The following STARD9 variants were observed in gnomAD, a reference collection of about 807,000 sequenced individuals.
The protein encoded by STARD9 is stAR-related lipid transfer protein 9.
STARD9 carries 346 observed loss-of-function variants against 399.8 expected under a neutral mutation model. The observed-to-expected ratio is 0.87, with a 90% confidence interval of 0.79 to 0.95. The LOEUF is 0.95. Among genes scored for constraint, STARD9 ranks in the 40% least tolerant of loss-of-function variants. The pLI, the probability that STARD9 is intolerant of heterozygous loss-of-function variation, is 0.00. For synonymous variants in STARD9, 2,203 were observed against 2,143.5 expected, an observed-to-expected ratio of 1.03 and a Z score of -0.77; for missense variants, 5,832 against 5,667.5, an observed-to-expected ratio of 1.03 and a Z score of -0.93.
chr15:42,626,270 C>CTCT (rs1453959478), intron 3 of STARD9, among the ~76,000 whole-genome samples: 57 of 147,100 alleles, frequency 3.9e-4, no homozygotes, highest in African/African-American at 1.4e-3. Context: ...CTTCCTCTTC[C>CTCT]TCCTCCTCTT....
At chr15:42,617,001 C>G (rs1188501960) in intron 3 of STARD9, among the ~76,000 whole-genome samples, 1 of 151,722 alleles carries the variant, frequency 6.6e-6, no homozygotes, top group East Asian at 1.9e-4. Flanking sequence ...AAGAAGTAAT[C>G]TAATACAAAA....
chr15:42,686,573 A>T lies in STARD9; in HGVS notation c.4995A>T (p.Ala1665=). 1 of 1,537,530 alleles carries T rather than the reference A, an allele frequency of 6.5e-7. No individual in the cohort carries two copies. Among genetic ancestry groups the T allele is most frequent in the Non-Finnish European group, 8.7e-7 (1 of 1,147,004 alleles). ...GTAATGTCACTACAGCCACCAAAGC[A>T]GACCATTGGTCCCAAGGCTGGGCTC... ...CHSNVTTATK[A]DHWSQGWAPL... is the part of the protein sequence containing the mutation. Residue 1665 remains alanine, a synonymous_variant, in exon 23 of 33, where the codon GCA becomes GCT. Transcript: ENST00000290607.
rs754740576 is a variant in STARD9, at chr15:42,690,446, A to G, written c.8868A>G (p.Pro2956=). 4.6e-6 allele frequency: 7 copies of G among 1,537,094 alleles called. 1 individual carries two copies. In the South Asian group the frequency reaches 8.3e-5, roughly 18 times the overall value. Residue 2956 remains proline, a synonymous_variant, in exon 23 of 33, where the codon CCA becomes CCG. Coordinates refer to ENST00000290607, the MANE Select transcript of STARD9 (RefSeq NM_020759.3). ...GCAGAACTCTTCCTTGCCGACAGCC[A>G]TGCAGTTCTCAACCTGTTGCTACTC... ...KESRTLPCRQ[P]CSSQPVATHA... is the part of the protein sequence containing the mutation.
At position 42,694,139 on chromosome 15, in the gene STARD9, G is replaced by C. The variant is rs2060785679; in HGVS notation, c.12561G>C (p.Gln4187His). 2.0e-6 allele frequency: 3 copies of C among 1,536,614 alleles called. No individual in the cohort carries two copies. The highest frequency in any genetic ancestry group is 2.6e-6 in the Non-Finnish European group (3 of 1,146,622). ...SPPQPPNDHSQDSEWSKREQI... is the reference protein window; with the variant it reads ...SPPQPPNDHSHDSEWSKREQI... Reference sequence around the variant, plus strand: ...CACAACCTCCTAATGACCACAGCCAGGATTCTGAGTGGTCCAAGAGGGAGC... The same window carrying C: ...CACAACCTCCTAATGACCACAGCCACGATTCTGAGTGGTCCAAGAGGGAGC... Residue 4187 changes from glutamine (Q) to histidine (H), a missense_variant, in exon 23 of 33, where the codon CAG (glutamine) becomes CAC (histidine). Gln to His is a conservative substitution (Grantham distance 24). This residue lies in a region of STARD9 where 5,828 missense variants were observed against 5,651.1 expected (regional missense o/e 1.03). Transcript: ENST00000290607.
At position 42,684,588 on chromosome 15, in the gene STARD9, G is replaced by A. The variant is rs181968356; in HGVS notation, c.3010G>A (p.Gly1004Arg). Reference protein sequence around the residue: ...GNLGTHKAAKGASCNSLYPHG... With the variant: ...GNLGTHKAAKRASCNSLYPHG... ...CCTTGGGACCCACAAGGCTGCTAAG[G>A]GAGCCAGTTGCAATTCCTTGTATCC... Residue 1004 changes from glycine (G) to arginine (R), a missense_variant, in exon 23 of 33, where the codon GGA becomes AGA. By Grantham distance (125) the Gly-to-Arg change is moderately radical. Coordinates refer to ENST00000290607, the MANE Select transcript of STARD9 (RefSeq NM_020759.3). 793 of 1,537,214 alleles carry A rather than the reference G, an allele frequency of 5.2e-4. No homozygotes were observed. The highest frequency in any genetic ancestry group is 6.6e-4 in the Non-Finnish European group (758 of 1,146,908).
At chr15:42,654,429 A>G (rs1259943937) in intron 9 of STARD9, among the ~76,000 whole-genome samples, 1 of 152,190 alleles carries the variant, frequency 6.6e-6, no homozygotes, top group Non-Finnish European at 1.5e-5. Flanking sequence ...AGTCCTAGCT[A>G]GAGTAATGAG....
intron 3 of STARD9, among the ~76,000 whole-genome samples, chr15:42,610,277 A>G (rs991875122): frequency 7.9e-5 from 12 of 152,102 alleles, no homozygotes; most frequent in South Asian, 4.1e-4. Context: ...AGGTGGGGCC[A>G]TGTGATTGGT....
At chr15:42,699,543 G>A (rs1300465569) in intron 26 of STARD9, among the ~76,000 whole-genome samples, 45 of 149,798 alleles carry the variant, frequency 3.0e-4, no homozygotes, top group East Asian at 2.6e-3. Context: ...ACAGGTGCCC[G>A]CCACCACGCC....
Position 42,716,773 on chromosome 15 carries a change from C to T in STARD9, c.13372+9C>T, listed in dbSNP as rs74009211. 39 of 1,533,944 alleles carry T rather than the reference C, an allele frequency of 2.5e-5. No individual in the cohort carries two copies. The highest frequency in any genetic ancestry group is 1.7e-4 in the East Asian group (7 of 40,924). The stretch of plus-strand genomic sequence containing the variant: ...GAAGAACTCTGCCTACAGTGAGTTG[C>T]GGGGAGTGTTGGGCATAGCCAGCTG... On this transcript the variant is annotated intron_variant, in intron 27 of 32. Coordinates refer to ENST00000290607, the MANE Select transcript of STARD9 (RefSeq NM_020759.3).
chr15:42,707,228 A>T (rs1225693098), intron 26 of STARD9, among the ~76,000 whole-genome samples: 1 of 152,210 alleles, frequency 6.6e-6, no homozygotes, highest in Non-Finnish European at 1.5e-5. Flanking sequence ...GACTTTGAGG[A>T]TATTGGAACC....
chr15:42,692,880 AC>A lies in STARD9; in HGVS notation c.11304del (p.Ser3769ArgfsTer51). On this transcript the variant is annotated frameshift_variant, in exon 23 of 33. Transcript: ENST00000290607. LOFTEE classifies it high-confidence loss of function. ...NVILEGLGSD[T>X]STVSQEEGDV... ...GATCCTTGAAGGGCTAGGCTCAGAT[AC>A]CTCGACTGTGTCTCAAGAAGAGGGA... 1 of 1,537,200 alleles carries A rather than the reference AC, an allele frequency of 6.5e-7. No individual in the cohort carries two copies. The highest frequency in any genetic ancestry group is 1.4e-5 in the African/African-American group (1 of 73,130).
intron 3 of STARD9, among the ~76,000 whole-genome samples, chr15:42,618,987 T>C (rs1202892631): frequency 2.0e-5 from 3 of 152,208 alleles, no homozygotes. Context: ...GAAATTGCTT[T>C]TGTAAATATT....
At chr15:42,630,896 T>G (rs1214589915) in intron 3 of STARD9, among the ~76,000 whole-genome samples, 1 of 152,054 alleles carries the variant, frequency 6.6e-6, no homozygotes, top group Non-Finnish European at 1.5e-5. Context: ...TTTGTATTGC[T>G]TTTTTCATTT....
chr15:42,648,073 TCCTA>T lies in STARD9; in HGVS notation c.560-2939_560-2936del. Among the ~76,000 whole-genome samples, 2 of 152,322 alleles carry T rather than the reference TCCTA, an allele frequency of 1.3e-5. 1 individual carries two copies. Among genetic ancestry groups the T allele is most frequent in the South Asian group, 4.1e-4 (2 of 4,828 alleles). The stretch of plus-strand genomic sequence containing the variant: ...TAGGGCTCTTAATTTTTAAAGAATA[TCCTA>T]CCTTTTATCTCTGAGTGCCTTCTAC... On this transcript the variant is annotated intron_variant, in intron 7 of 32. Coordinates refer to ENST00000290607, the MANE Select transcript of STARD9 (RefSeq NM_020759.3).
chr15:42,658,803 CATT>C (rs2059931929), intron 9 of STARD9, among the ~76,000 whole-genome samples: 2 of 148,846 alleles, frequency 1.3e-5, no homozygotes, highest in African/African-American at 4.9e-5. Flanking sequence ...CTTTTAAAGA[CATT>C]ATTAGGAGAA....
intron 14 of STARD9, among the ~76,000 whole-genome samples, 159 bp from the exon 15 acceptor site, chr15:42,665,627 G>A (rs533752627): frequency 1.3e-5 from 2 of 152,232 alleles, no homozygotes; most frequent in African/African-American, 4.8e-5. Context: ...TTCCATCTTT[G>A]TACCAATATG....
chr15:42,690,557 T>G lies in STARD9; in HGVS notation c.8979T>G (p.Thr2993=), dbSNP rs1428875430. The change falls in exon 23 of 33, where the codon ACT becomes ACG. Residue 2993 remains threonine, a synonymous_variant. Coordinates refer to ENST00000290607, the MANE Select transcript of STARD9 (RefSeq NM_020759.3). Reference sequence around the variant, plus strand: ...AGCCTTTCAAGGCTGCCCCACATACTATCCACCCACCCTGTGTAGTACCTT... The same window carrying G: ...AGCCTTTCAAGGCTGCCCCACATACGATCCACCCACCCTGTGTAGTACCTT... ...GKEPFKAAPH[T]IHPPCVVPSR... The G allele has an allele frequency of 6.5e-7, 1 of 1,537,046 alleles. No individual in the cohort carries two copies. Among genetic ancestry groups the G allele is most frequent in the African/African-American group, 1.4e-5 (1 of 73,046 alleles).
intron 16 of STARD9, 73 bp downstream of exon 16, chr15:42,669,410 A>G (rs2060164564): frequency 7.6e-7 from 1 of 1,318,828 alleles, no homozygotes; most frequent in Non-Finnish European, 1.0e-6. Context: ...AGCTAGGAGC[A>G]GCAGCCATGT....
At chr15:42,597,132 G>T (rs912753592) in intron 3 of STARD9, among the ~76,000 whole-genome samples, 8 of 152,106 alleles carry the variant, frequency 5.3e-5, no homozygotes, top group East Asian at 1.9e-4. Context: ...GTCTCGTTCT[G>T]TTTCTCAGCC....
Sources: gnomAD v4.1 joint callset for allele counts (sites outside exome capture counted in the v4.1 genomes callset) on GRCh38, gnomAD v4.1.1 for gene constraint, gnomAD v4.1.1 regional missense constraint, MANE v1.5 for transcripts, NCBI Gene and HGNC (gene_info 2026-07-23, HGNC 2026-07-21) for gene names.